Variants in RAD51B observed in about 807,000 individuals in gnomAD.
RAD51B encodes the protein RAD51 paralog B, also known as DNA repair protein RAD51 homolog 2.
In RAD51B, 38 loss-of-function variants were observed where a neutral mutation model predicts 42.2. The ratio of observed to expected loss-of-function variants is 0.90; its 90% confidence interval spans 0.70 to 1.18. RAD51B has a LOEUF of 1.18. Among genes scored for constraint, RAD51B ranks in the 50% most tolerant of loss-of-function variants. The pLI, the probability that RAD51B is intolerant of heterozygous loss-of-function variation, is 0.00. For missense variants in RAD51B, 373 were observed against 400.7 expected (o/e 0.93, Z 0.59); for synonymous variants, 154 against 145.2 (o/e 1.06, Z -0.43).
intron 9 of RAD51B, among the ~76,000 whole-genome samples, chr14:68,418,285 T>C (rs769620698): frequency 1.2e-4 from 18 of 152,246 alleles, no homozygotes; most frequent in Non-Finnish European, 2.2e-4. Context: ...TTTCTTTTTA[T>C]GGCAGACTTA....
At chr14:68,466,126 T>C (rs3784124) in intron 9 of RAD51B, among the ~76,000 whole-genome samples, 67,208 of 151,952 alleles carry the variant, frequency 0.44, 15,825 homozygotes, top group African/African-American at 0.61. Flanking sequence ...GAATGATGAA[T>C]TAGTGTATCT....
chr14:68,326,023 T>G (rs1232322495), intron 8 of RAD51B, among the ~76,000 whole-genome samples: 1 of 110,070 alleles, frequency 9.1e-6, no homozygotes, highest in East Asian at 2.5e-4. Context: ...ATAATGTTGT[T>G]ATTCTTTTTC....
At chr14:68,268,923 A>G (rs1193128319) in intron 7 of RAD51B, among the ~76,000 whole-genome samples, 1 of 152,162 alleles carries the variant, frequency 6.6e-6, no homozygotes, top group African/African-American at 2.4e-5. Flanking sequence ...TGCCACTGCT[A>G]CTGTTCAGAT....
At chr14:67,959,049 CA>C (rs1432879747) in intron 7 of RAD51B, among the ~76,000 whole-genome samples, 1 of 152,148 alleles carries the variant, frequency 6.6e-6, no homozygotes, top group African/African-American at 2.4e-5. Context: ...TTTCACATCA[CA>C]TTTTTTTGTA....
chr14:68,333,396 A>G (rs538625780), intron 8 of RAD51B, among the ~76,000 whole-genome samples: 2 of 152,198 alleles, frequency 1.3e-5, no homozygotes, highest in African/African-American at 4.8e-5. Flanking sequence ...AAAAACCCTA[A>G]ATGTTGGTGA....
chr14:67,916,403 G>A (rs148189093), intron 7 of RAD51B, among the ~76,000 whole-genome samples: 261 of 152,096 alleles, frequency 1.7e-3, no homozygotes, highest in African/African-American at 6.1e-3. Flanking sequence ...CACCACACCT[G>A]GCTAATTTTT....
chr14:68,461,953 A>C (rs1272597643), intron 9 of RAD51B, among the ~76,000 whole-genome samples: 1 of 152,190 alleles, frequency 6.6e-6, no homozygotes, highest in Admixed American at 6.5e-5. Context: ...CATAGGGATG[A>C]AGTGAAGAAC....
intron 7 of RAD51B, among the ~76,000 whole-genome samples, chr14:68,172,603 C>A (rs2078894123): frequency 6.6e-6 from 1 of 151,762 alleles, no homozygotes; most frequent in Non-Finnish European, 1.5e-5. Flanking sequence ...AATTGAATTT[C>A]TATATATTTA....
At chr14:68,253,488 C>T (rs1400380422) in intron 7 of RAD51B, among the ~76,000 whole-genome samples, 3 of 152,090 alleles carry the variant, frequency 2.0e-5, no homozygotes, top group Non-Finnish European at 4.4e-5. Flanking sequence ...ATATTTGTTT[C>T]AGTTATTTTT....
intron 10 of RAD51B, among the ~76,000 whole-genome samples, chr14:68,642,525 T>G (rs1339273883): frequency 6.6e-6 from 1 of 152,206 alleles, no homozygotes; most frequent in Non-Finnish European, 1.5e-5. Context: ...GATTAAAGGT[T>G]TATTGATCTT....
chr14:68,134,702 C>A (rs1453204413), intron 7 of RAD51B, among the ~76,000 whole-genome samples: 1 of 151,796 alleles, frequency 6.6e-6, no homozygotes, highest in Non-Finnish European at 1.5e-5. Flanking sequence ...CATGTGTTTA[C>A]TTGCCATCTA....
intron 4 of RAD51B, among the ~76,000 whole-genome samples, chr14:67,849,219 C>T (rs564199773): frequency 6.6e-6 from 1 of 152,242 alleles, no homozygotes; most frequent in Admixed American, 6.5e-5. Context: ...GGTTGCTTTA[C>T]GTAATCCCAC....
chr14:68,255,573 C>T (rs972571935), intron 7 of RAD51B, among the ~76,000 whole-genome samples: 1 of 152,150 alleles, frequency 6.6e-6, no homozygotes, highest in African/African-American at 2.4e-5. Flanking sequence ...ACAGTCATTT[C>T]TTTGAGATTA....
chr14:68,308,023 A>C (rs1350293580), intron 8 of RAD51B, among the ~76,000 whole-genome samples: 1 of 151,930 alleles, frequency 6.6e-6, no homozygotes, highest in Non-Finnish European at 1.5e-5. Context: ...TTTCGTCCTT[A>C]TTAAATTTAT....
chr14:68,211,927 C>T (rs1595558547), intron 7 of RAD51B, among the ~76,000 whole-genome samples: 1 of 152,184 alleles, frequency 6.6e-6, no homozygotes, highest in Non-Finnish European at 1.5e-5. Context: ...ATTATGATGT[C>T]TTGTGTTTAC....
intron 7 of RAD51B, among the ~76,000 whole-genome samples, chr14:68,265,270 G>A (rs942151107): frequency 6.6e-6 from 1 of 152,132 alleles, no homozygotes; most frequent in African/African-American, 2.4e-5. Context: ...GTAAAGTTTG[G>A]TCTCTTAAGA....
At chr14:68,624,290 A>G (rs1892020510) in intron 10 of RAD51B, among the ~76,000 whole-genome samples, 1 of 152,190 alleles carries the variant, frequency 6.6e-6, no homozygotes, top group South Asian at 2.1e-4. Flanking sequence ...ACTCATACTT[A>G]GGGGCAAGGG....
At chr14:68,040,944 C>T (rs567703541) in intron 7 of RAD51B, among the ~76,000 whole-genome samples, 1 of 152,320 alleles carries the variant, frequency 6.6e-6, no homozygotes, top group South Asian at 2.1e-4. Flanking sequence ...AGATGGGTGA[C>T]TGGGTCATTA....
At chr14:68,627,311 A>G (rs1163812036) in intron 10 of RAD51B, 9 of 152,218 alleles carry the variant, frequency 5.9e-5, no homozygotes, top group Admixed American at 5.9e-4. Context: ...GATGTCACAT[A>G]AAAATCCCTT....
Sources: gnomAD v4.1 joint callset for allele counts (sites outside exome capture counted in the v4.1 genomes callset) on GRCh38, gnomAD v4.1.1 for gene constraint, MANE v1.5 for transcripts, NCBI Gene and HGNC (gene_info 2026-07-23, HGNC 2026-07-21) for gene names.